The following PRKAA2 variants were observed in gnomAD, a reference collection of about 807,000 sequenced individuals.
The protein encoded by PRKAA2 is 5'-AMP-activated protein kinase catalytic subunit alpha-2.
A neutral mutation model predicts 56.3 loss-of-function variants in PRKAA2; 40 were observed. The ratio of observed to expected loss-of-function variants is 0.71; its 90% CI spans 0.55 to 0.92. The LOEUF (loss-of-function observed/expected upper bound fraction) is 0.92, where lower values mean the gene tolerates loss of function less well. Ranked by LOEUF, PRKAA2 falls within the 40% of genes least tolerant of loss-of-function variation. The probability of loss-of-function intolerance (pLI) is 0.00; values close to 1 mark genes in which losing one functional copy is unlikely to be tolerated. For synonymous variants in PRKAA2, 214 were observed against 234.2 expected (o/e 0.91, Z 0.79); for missense variants, 542 against 686.9 (o/e 0.79, Z 2.36).
Position 56,707,680 on chromosome 1 carries a change from G to A in PRKAA2, c.1626G>A (p.Met542Ile), listed in dbSNP as rs748392243. The A allele has an allele frequency of 1.9e-6, 3 of 1,610,206 alleles. No individual in the cohort carries two copies. The highest frequency in any genetic ancestry group is 2.2e-5 in the South Asian group (2 of 90,976). Residue 542 changes from methionine (M) to isoleucine (I), a missense_variant, in exon 9 of 9, where the codon ATG (methionine) becomes ATA (isoleucine). Coordinates refer to ENST00000371244, the MANE Select transcript of PRKAA2 (RefSeq NM_006252.4). ...LGSHTMDFFEMCASLITTLAR is the reference protein window; with the variant it reads ...LGSHTMDFFEICASLITTLAR The stretch of plus-strand genomic sequence containing the variant: ...GTCACACCATGGATTTTTTTGAAAT[G>A]TGTGCCAGTCTGATTACTACTTTAG...
intron 1 of PRKAA2, among the ~76,000 whole-genome samples, chr1:56,657,134 C>G (rs1042173299): frequency 1.3e-5 from 2 of 152,084 alleles, no homozygotes; most frequent in Non-Finnish European, 2.9e-5. Flanking sequence ...TTGAGCCTCC[C>G]TTATGCTGGT....
chr1:56,682,808 A>G (rs545243879), intron 2 of PRKAA2, among the ~76,000 whole-genome samples: 3 of 152,328 alleles, frequency 2.0e-5, no homozygotes, highest in Admixed American at 2.0e-4. Flanking sequence ...GCCAGTGGCC[A>G]CATGTGGCTG....
chr1:56,705,992 C>A, intron 7 of PRKAA2, 100 bp from the exon 8 acceptor site: 1 of 1,019,496 alleles, frequency 9.8e-7, no homozygotes. Flanking sequence ...TATTCGTATT[C>A]CTTTCCTACC....
chr1:56,645,854 G>A (rs1192582949), intron 1 of PRKAA2, among the ~76,000 whole-genome samples: 1 of 152,194 alleles, frequency 6.6e-6, no homozygotes, highest in African/African-American at 2.4e-5. Flanking sequence ...CCAGCTCTGA[G>A]CCTGTAGGCT....
At chr1:56,689,907 C>G (rs397863339) in intron 2 of PRKAA2, among the ~76,000 whole-genome samples, 1,627 of 138,318 alleles carry the variant, frequency 0.012, 23 homozygotes, top group African/African-American at 0.034. Context: ...GACACACACA[C>G]ACACACACAC....
chr1:56,656,885 G>A (rs138236112), intron 1 of PRKAA2, among the ~76,000 whole-genome samples: 14 of 152,336 alleles, frequency 9.2e-5, no homozygotes, highest in African/African-American at 3.4e-4. Context: ...CCTGAGGTAT[G>A]AATGTCATCT....
At chr1:56,646,504 G>A (rs1312960111) in intron 1 of PRKAA2, among the ~76,000 whole-genome samples, 1 of 152,176 alleles carries the variant, frequency 6.6e-6, no homozygotes, top group Non-Finnish European at 1.5e-5. Context: ...GAATAGTTAA[G>A]TATGGAACTT....
At chr1:56,646,368 G>T (rs1646642444) in intron 1 of PRKAA2, among the ~76,000 whole-genome samples, 1 of 152,188 alleles carries the variant, frequency 6.6e-6, no homozygotes, top group Non-Finnish European at 1.5e-5. Flanking sequence ...TGAGGCTGAG[G>T]AGGTCAGGAC....
chr1:56,654,434 A>G (rs768342915), intron 1 of PRKAA2, among the ~76,000 whole-genome samples: 3 of 152,194 alleles, frequency 2.0e-5, no homozygotes, highest in Non-Finnish European at 2.9e-5. Context: ...AGCCAAGCAG[A>G]TAATTTAATT....
intron 1 of PRKAA2, among the ~76,000 whole-genome samples, chr1:56,662,449 TA>T (rs1200154710): frequency 2.7e-4 from 41 of 151,976 alleles, no homozygotes; most frequent in African/African-American, 7.5e-4. Flanking sequence ...AGAGATGATT[TA>T]AAAAAAAAAT....
chr1:56,707,191 C>T (rs1644337449), intron 8 of PRKAA2, among the ~76,000 whole-genome samples: 1 of 152,100 alleles, frequency 6.6e-6, no homozygotes, highest in African/African-American at 2.4e-5. Flanking sequence ...TCTTCACATG[C>T]AGAGATATCA....
intron 1 of PRKAA2, among the ~76,000 whole-genome samples, chr1:56,664,889 CACATAT>C (rs771196142): frequency 2.2e-5 from 3 of 139,478 alleles, no homozygotes; most frequent in Non-Finnish European, 4.5e-5. Flanking sequence ...CACACACACA[CACATAT>C]ATACATACAT....
chr1:56,687,198 G>A (rs1021727266), intron 2 of PRKAA2, among the ~76,000 whole-genome samples: 1 of 151,916 alleles, frequency 6.6e-6, no homozygotes, highest in Non-Finnish European at 1.5e-5. Flanking sequence ...CTCTTTAGTG[G>A]TAGAGTAGAT....
intron 1 of PRKAA2, among the ~76,000 whole-genome samples, chr1:56,655,265 T>A (rs1557542327): frequency 1.5e-5 from 1 of 67,008 alleles, no homozygotes; most frequent in Non-Finnish European, 2.8e-5. Flanking sequence ...TGTATTTATA[T>A]ATCTATATAT....
At chr1:56,682,385 C>T (rs1198434208) in intron 2 of PRKAA2, among the ~76,000 whole-genome samples, 2 of 152,066 alleles carry the variant, frequency 1.3e-5, no homozygotes, top group Non-Finnish European at 2.9e-5. Context: ...GACCTAAGAC[C>T]TAAAGGATGA....
intron 4 of PRKAA2, 138 bp downstream of exon 4, chr1:56,692,640 T>C: frequency 1.7e-6 from 1 of 604,128 alleles, no homozygotes; most frequent in Non-Finnish European, 2.4e-6. Context: ...CCTCAGTAGC[T>C]TTTTTTTTTC....
At chr1:56,676,524 A>C (rs1019017511) in intron 2 of PRKAA2, among the ~76,000 whole-genome samples, 2 of 152,194 alleles carry the variant, frequency 1.3e-5, no homozygotes, top group Non-Finnish European at 2.9e-5. Context: ...TGGCACCTTG[A>C]TTTTAGCCCA....
chr1:56,664,891 C>CACACACAT (rs774937805), intron 1 of PRKAA2, among the ~76,000 whole-genome samples: 4 of 114,074 alleles, frequency 3.5e-5, no homozygotes, highest in South Asian at 8.7e-4. Flanking sequence ...CACACACACA[C>CACACACAT]ATATATACAT....
rs1196011598 is a variant in PRKAA2, at chr1:56,712,900, A to C, written c.*5187A>C. 1 of 152,048 alleles carries C rather than the reference A, an allele frequency of 6.6e-6. No homozygotes were observed. The highest frequency in any genetic ancestry group is 2.4e-5 in the African/African-American group (1 of 41,428). The allele number at this position is 152,048 out of a possible 1,614,324, so 9.4% of individuals were successfully genotyped here. ...AAAACTAGCCCCAGTCCCTGTCTAA[A>C]TTGTTATAGTTTTTGACTATTATCT... is the stretch of plus-strand genomic sequence containing the variant. On this transcript the variant is annotated 3_prime_UTR_variant, in exon 9 of 9. Transcript: ENST00000371244.
Sources: gnomAD v4.1 joint callset for allele counts (sites outside exome capture counted in the v4.1 genomes callset) on GRCh38, gnomAD v4.1.1 for gene constraint, MANE v1.5 for transcripts, NCBI Gene and HGNC (gene_info 2026-07-23, HGNC 2026-07-21) for gene names.